HS6ST2: variants seen among roughly 807,000 people sequenced by gnomAD.
HS6ST2 encodes the protein heparan sulfate 6-O-sulfotransferase 2.
Under a neutral mutation model 33.0 loss-of-function variants are expected in HS6ST2, and 17 were observed. That is an observed-to-expected ratio of 0.52 (90% CI 0.35 to 0.77). HS6ST2 has a LOEUF of 0.77. Among genes scored for constraint, HS6ST2 ranks in the 30% least tolerant of loss-of-function variants. The pLI is 0.01. For synonymous variants in HS6ST2, 248 were observed against 237.1 expected (o/e 1.05, Z -0.42); for missense variants, 519 against 551.7 (o/e 0.94, Z 0.59).
chrX:132,904,768 T>A (rs1463131607), intron 2 of HS6ST2, among the ~76,000 whole-genome samples: 2 of 106,358 alleles, frequency 1.9e-5, no homozygotes, highest in Admixed American at 2.1e-4. Flanking sequence ...TCTCAAGCAA[T>A]CCTCCCACAT....
Position 132,958,040 on chromosome X carries a change from A to T in HS6ST2, c.428+135T>A. On this transcript the variant is annotated intron_variant, in intron 1 of 4. Transcript: ENST00000370833. ...GCAAATGCGCGCCGCACCCCTCCGG[A>T]GACCCTAGCCGGGCCACCAATGGCC... The T allele has an allele frequency of 5.0e-6, 3 of 601,534 alleles. No individual in the cohort carries two copies. The South Asian group carries it at 1.4e-4, about 27-fold the overall frequency. The allele number at this position is 601,534 out of a possible 1,213,427, so 49.6% of individuals were successfully genotyped here. A position where few individuals can be genotyped will look rare whatever the true frequency, so the allele number is the denominator to read the frequency against.
chrX:132,948,092 A>AG (rs766042870), intron 2 of HS6ST2, among the ~76,000 whole-genome samples: 25 of 112,038 alleles, frequency 2.2e-4, no homozygotes, highest in Non-Finnish European at 3.9e-4. Flanking sequence ...GCAACTCATT[A>AG]GAACTAAACT....
intron 2 of HS6ST2, among the ~76,000 whole-genome samples, chrX:132,718,345 C>A (rs1021678062): frequency 1.8e-5 from 2 of 111,764 alleles, no homozygotes; most frequent in African/African-American, 6.5e-5. Context: ...AGGCGGCATT[C>A]TTCTCACTTT....
At chrX:132,719,385 T>C (rs1241123266) in intron 2 of HS6ST2, among the ~76,000 whole-genome samples, 2 of 111,881 alleles carry the variant, frequency 1.8e-5, no homozygotes, top group South Asian at 3.8e-4. Flanking sequence ...CAGCAATCTA[T>C]GCTAGAGAGA....
chrX:132,943,733 T>C (rs2066911927), intron 2 of HS6ST2, among the ~76,000 whole-genome samples: 1 of 111,348 alleles, frequency 9.0e-6, no homozygotes, highest in Non-Finnish European at 1.9e-5. Flanking sequence ...TAATCCAGCA[T>C]ATAAACAGAA....
intron 2 of HS6ST2, among the ~76,000 whole-genome samples, chrX:132,904,435 T>C (rs2066452528): frequency 9.0e-6 from 1 of 111,715 alleles, no homozygotes; most frequent in African/African-American, 3.3e-5. Context: ...TCAACAGTTA[T>C]GAGGTCATTC....
At chrX:132,908,277 G>C (rs1234435073) in intron 2 of HS6ST2, among the ~76,000 whole-genome samples, 2 of 112,168 alleles carry the variant, frequency 1.8e-5, no homozygotes, top group African/African-American at 6.5e-5. Flanking sequence ...TGTTGGAAAG[G>C]ATGTGGAGAA....
chrX:132,682,145 C>T (rs1250432792), intron 3 of HS6ST2, among the ~76,000 whole-genome samples: 2 of 112,361 alleles, frequency 1.8e-5, no homozygotes, highest in Non-Finnish European at 3.8e-5. Context: ...CACTCTGTTA[C>T]TGACACTGTC....
At chrX:132,791,650 A>G (rs2065120724) in intron 2 of HS6ST2, among the ~76,000 whole-genome samples, 1 of 112,157 alleles carries the variant, frequency 8.9e-6, no homozygotes, top group African/African-American at 3.2e-5. Flanking sequence ...CTAGCAAAAA[A>G]GTTTTTCTTT....
At chrX:132,793,379 T>C (rs778769801) in intron 2 of HS6ST2, among the ~76,000 whole-genome samples, 2 of 110,983 alleles carry the variant, frequency 1.8e-5, no homozygotes, top group African/African-American at 6.5e-5. Context: ...TCTTTTTACA[T>C]GCCAGCCCCT....
chrX:132,827,536 G>A (rs1334527502), intron 2 of HS6ST2, among the ~76,000 whole-genome samples: 1 of 109,527 alleles, frequency 9.1e-6, no homozygotes, highest in Non-Finnish European at 1.9e-5. Flanking sequence ...GAAGGAAAGA[G>A]GCAAAGAAGA....
At chrX:132,849,173 T>C (rs1268418003) in intron 2 of HS6ST2, among the ~76,000 whole-genome samples, 1 of 112,021 alleles carries the variant, frequency 8.9e-6, no homozygotes, top group Non-Finnish European at 1.9e-5. Context: ...TCTGGTAATA[T>C]TTTGATTGCA....
intron 2 of HS6ST2, among the ~76,000 whole-genome samples, chrX:132,803,148 C>T (rs2065250986): frequency 8.9e-6 from 1 of 111,762 alleles, no homozygotes; most frequent in Admixed American, 9.5e-5. Context: ...AAGCAGCCAG[C>T]TTCTCTCCTT....
chrX:132,887,623 T>C (rs909228935), intron 2 of HS6ST2, among the ~76,000 whole-genome samples: 22 of 112,164 alleles, frequency 2.0e-4, no homozygotes, highest in African/African-American at 6.8e-4. Context: ...ACACTTACCA[T>C]ATAACCCAGC....
At chrX:132,850,038 C>T (rs996856986) in intron 2 of HS6ST2, among the ~76,000 whole-genome samples, 1 of 112,178 alleles carries the variant, frequency 8.9e-6, no homozygotes, top group Non-Finnish European at 1.9e-5. Flanking sequence ...TTTCTCCATG[C>T]ACTAACAGCA....
chrX:132,955,591 T>A (rs1031973230), intron 2 of HS6ST2, among the ~76,000 whole-genome samples: 1 of 111,646 alleles, frequency 9.0e-6, no homozygotes, highest in South Asian at 3.8e-4. Flanking sequence ...CACAGACATG[T>A]CCTTGCCGGC....
chrX:132,890,862 A>G (rs1312489885), intron 2 of HS6ST2, among the ~76,000 whole-genome samples: 1 of 111,373 alleles, frequency 9.0e-6, no homozygotes, highest in Admixed American at 9.6e-5. Flanking sequence ...AATCATCTGG[A>G]AAGTTATCTA....
At chrX:132,688,826 G>A (rs2064039476) in intron 3 of HS6ST2, among the ~76,000 whole-genome samples, 2 of 112,263 alleles carry the variant, frequency 1.8e-5, no homozygotes, top group South Asian at 7.5e-4. Context: ...GGTCCTCTTA[G>A]CTAGCAGAAT....
intron 2 of HS6ST2, among the ~76,000 whole-genome samples, chrX:132,746,520 A>G: frequency 9.0e-6 from 1 of 111,267 alleles, no homozygotes; most frequent in Non-Finnish European, 1.9e-5. Context: ...AAGGGCAAAA[A>G]CCACAATTAC....
Sources: gnomAD v4.1 joint callset for allele counts (sites outside exome capture counted in the v4.1 genomes callset) on GRCh38, gnomAD v4.1.1 for gene constraint, MANE v1.5 for transcripts, NCBI Gene and HGNC (gene_info 2026-07-23, HGNC 2026-07-21) for gene names.